The following FHOD3 variants were observed in gnomAD, a reference collection of about 807,000 sequenced individuals.
The protein encoded by FHOD3 is formin homology 2 domain containing 3.
In FHOD3, 90 loss-of-function variants were observed where a neutral mutation model predicts 173.0. The observed-to-expected ratio is 0.52, with a 90% CI of 0.44 to 0.62. FHOD3 has a LOEUF of 0.62. Among genes scored for constraint, FHOD3 ranks in the 20% least tolerant of loss-of-function variants. The pLI is 0.00. For missense variants in FHOD3, 1,945 were observed against 2,034.7 expected (o/e 0.96, Z 0.85); for synonymous variants, 828 against 823.0 (o/e 1.01, Z -0.10).
chr18:36,520,482 G>T (rs1343181122), intron 5 of FHOD3, among the ~76,000 whole-genome samples: 1 of 152,144 alleles, frequency 6.6e-6, no homozygotes, highest in Non-Finnish European at 1.5e-5. Flanking sequence ...AAATTGTATG[G>T]TTTAACTTAA....
chr18:36,450,444 TTTA>T (rs2051769912), intron 3 of FHOD3, among the ~76,000 whole-genome samples: 2 of 55,866 alleles, frequency 3.6e-5, no homozygotes, highest in East Asian at 7.7e-4. Flanking sequence ...GACCAGTTTG[TTTA>T]TTTATTTATT....
chr18:36,328,813 C>G (rs1040642589), intron 1 of FHOD3, among the ~76,000 whole-genome samples: 5 of 152,174 alleles, frequency 3.3e-5, no homozygotes, highest in African/African-American at 1.2e-4. Context: ...GACAGAGCTG[C>G]ACTTCACTGA....
chr18:36,552,658 C>G (rs1243216422), intron 5 of FHOD3, among the ~76,000 whole-genome samples: 2 of 152,076 alleles, frequency 1.3e-5, no homozygotes, highest in Non-Finnish European at 2.9e-5. Context: ...GCCACCACAG[C>G]TGGCTAATTT....
At chr18:36,667,884 A>G (rs181609431) in intron 14 of FHOD3, among the ~76,000 whole-genome samples, 114 of 152,326 alleles carry the variant, frequency 7.5e-4, no homozygotes, top group African/African-American at 2.4e-3. Flanking sequence ...TGGAACCACT[A>G]TCTTGTAGAA....
intron 3 of FHOD3, among the ~76,000 whole-genome samples, chr18:36,387,145 G>A (rs931798483): frequency 6.6e-6 from 1 of 152,192 alleles, no homozygotes; most frequent in Non-Finnish European, 1.5e-5. Context: ...GGCCCAGACT[G>A]TGGGCAGAAG....
At chr18:36,473,992 T>C (rs1188808409) in intron 3 of FHOD3, among the ~76,000 whole-genome samples, 1 of 152,228 alleles carries the variant, frequency 6.6e-6, no homozygotes, top group Non-Finnish European at 1.5e-5. Context: ...CCACCCTTCC[T>C]GTAGGATATG....
chr18:36,711,745 A>G (rs1227276829), intron 18 of FHOD3, among the ~76,000 whole-genome samples: 1 of 152,230 alleles, frequency 6.6e-6, no homozygotes. Flanking sequence ...GAACCTCTGG[A>G]CTTAAATTAT....
chr18:36,334,778 A>G (rs565346759), intron 1 of FHOD3, among the ~76,000 whole-genome samples: 1 of 152,332 alleles, frequency 6.6e-6, no homozygotes, highest in South Asian at 2.1e-4. Context: ...GGGAAGACTA[A>G]TGGATAATCT....
At chr18:36,639,112 A>G (rs2035097475) in intron 10 of FHOD3, among the ~76,000 whole-genome samples, 1 of 152,148 alleles carries the variant, frequency 6.6e-6, no homozygotes. Flanking sequence ...TTGCCTCTGA[A>G]GGCTGCCTTC....
rs2172947 is a variant in FHOD3 at position 36,653,679 on chromosome 18, C to A, written c.1721+263C>A. 0.56 allele frequency among the ~76,000 whole-genome samples: 84,773 copies of A among 151,914 alleles called. 24,338 individuals carry two copies. Among genetic ancestry groups the A allele is most frequent in the African/African-American group, 0.7 (28,838 of 41,426 alleles). The stretch of plus-strand genomic sequence containing the variant: ...GTGTCCACCTGTATTAATGCCTTTC[C>A]CTGTTGCCTGCGTTATGAGCTCTCT... On this transcript the variant is annotated intron_variant, in intron 13 of 28. Coordinates refer to ENST00000590592, the MANE Select transcript of FHOD3 (RefSeq NM_001281740.3).
intron 10 of FHOD3, among the ~76,000 whole-genome samples, chr18:36,632,151 C>G (rs1335119083): frequency 6.6e-6 from 1 of 152,206 alleles, no homozygotes; most frequent in African/African-American, 2.4e-5. Flanking sequence ...TGCCATATTG[C>G]TCTCCACAAA....
At chr18:36,543,500 G>A (rs915938387) in intron 5 of FHOD3, among the ~76,000 whole-genome samples, 1 of 152,156 alleles carries the variant, frequency 6.6e-6, no homozygotes, top group Non-Finnish European at 1.5e-5. Flanking sequence ...AGAAAAGACA[G>A]TGCTGGACAG....
Position 36,512,364 on chromosome 18 carries a change from G to C in FHOD3, c.406-74G>C, listed in dbSNP as rs12454451. ...TTCTGGCTTTAAAGGCTTGTACATA[G>C]TTTTAGCAGCACAGCTGGGATGGAA... On this transcript the variant is annotated intron_variant, in intron 4 of 28. Transcript: ENST00000590592. 92,934 of 1,140,394 alleles carry C rather than the reference G, an allele frequency of 0.081. 5,610 individuals are homozygous for C. Among genetic ancestry groups the C allele is most frequent in the South Asian group, 0.21 (16,843 of 78,806 alleles). The allele number at this position is 1,140,394 out of a possible 1,614,324, so 70.6% of individuals were successfully genotyped here.
At chr18:36,359,449 T>C (rs73949449) in intron 2 of FHOD3, among the ~76,000 whole-genome samples, 7,362 of 152,282 alleles carry the variant, frequency 0.048, 355 homozygotes, top group African/African-American at 0.11. Flanking sequence ...CCAGGGAAAT[T>C]AGCAAGCATG....
At chr18:36,543,902 G>GAAGC (rs1305330950) in intron 5 of FHOD3, among the ~76,000 whole-genome samples, 4 of 152,222 alleles carry the variant, frequency 2.6e-5, no homozygotes, top group African/African-American at 9.6e-5. Context: ...TTCTGCGGTA[G>GAAGC]AAGCTAGGAA....
chr18:36,524,425 A>G (rs1004519910), intron 5 of FHOD3, among the ~76,000 whole-genome samples: 1 of 152,146 alleles, frequency 6.6e-6, no homozygotes, highest in African/African-American at 2.4e-5. Flanking sequence ...GGCGTAGGAG[A>G]CAATGGTGAG....
chr18:36,463,826 G>A (rs997753716), intron 3 of FHOD3, among the ~76,000 whole-genome samples: 1 of 152,170 alleles, frequency 6.6e-6, no homozygotes, highest in Non-Finnish European at 1.5e-5. Flanking sequence ...AAATATAAAT[G>A]TTCTCAGTGC....
chr18:36,748,382 AACACAC>A (rs532609709), intron 24 of FHOD3, among the ~76,000 whole-genome samples: 8,837 of 143,526 alleles, frequency 0.062, 321 homozygotes, highest in Admixed American at 0.1. Flanking sequence ...ACACACACAC[AACACAC>A]ACACACACAC....
In FHOD3 at chr18:36,463,480, T is replaced by A. The variant is rs183195283; in HGVS notation, c.338-38452T>A. Among the ~76,000 whole-genome samples the A allele has an allele frequency of 1.6e-4, 19 of 122,108 alleles. No homozygotes were observed. In the East Asian group the frequency reaches 2.6e-3, roughly 17 times the overall value. 80.1% of individuals were successfully genotyped at this position (122,108 alleles called of 152,430 possible). ...AAAAATATTTTTGTTTATTTAAAAA[T>A]TTTTTTTGTTTATTTAAAAAATATA... is the stretch of plus-strand genomic sequence containing the variant. On this transcript the variant is annotated intron_variant, in intron 3 of 28. Coordinates refer to ENST00000590592, the MANE Select transcript of FHOD3 (RefSeq NM_001281740.3).
Sources: allele counts gnomAD v4.1 joint callset (sites outside exome capture counted in the v4.1 genomes callset), GRCh38; gene constraint gnomAD v4.1.1; transcripts MANE v1.5; gene names NCBI Gene and HGNC (gene_info 2026-07-23, HGNC 2026-07-21).